Variants in NF2 observed in about 807,000 individuals in gnomAD.
NF2 encodes the protein merlin.
In NF2, 8 loss-of-function variants were observed where a neutral mutation model predicts 83.7. That is an observed-to-expected ratio of 0.10 (90% CI 0.06 to 0.17). The LOEUF (loss-of-function observed/expected upper bound fraction) is 0.17. Among genes scored for constraint, NF2 ranks in the 10% least tolerant of loss-of-function variants. NF2 has a pLI of 1.00. For synonymous variants in NF2, 266 were observed against 269.6 expected, an observed-to-expected ratio of 0.99 and a Z score of 0.13; for missense variants, 533 against 744.4, an observed-to-expected ratio of 0.72 and a Z score of 3.31.
intron 13 of NF2, among the ~76,000 whole-genome samples, chr22:29,675,823 G>A (rs1306211041): frequency 2.0e-5 from 3 of 146,718 alleles, no homozygotes; most frequent in Non-Finnish European, 4.6e-5. Context: ...GGACACACAC[G>A]CACCCATACT....
chr22:29,657,505 G>T (rs1372968206), intron 6 of NF2, among the ~76,000 whole-genome samples: 2 of 152,184 alleles, frequency 1.3e-5, no homozygotes, highest in African/African-American at 4.8e-5. Context: ...CCAACACTTG[G>T]CGTTCTCTCA....
chr22:29,623,458 G>A (rs1020179065), intron 1 of NF2, among the ~76,000 whole-genome samples: 10 of 152,176 alleles, frequency 6.6e-5, no homozygotes, highest in African/African-American at 2.2e-4. Flanking sequence ...GAAGGCAAAC[G>A]CTTTGGGCAA....
At chr22:29,672,065 C>T in intron 11 of NF2, 117 bp downstream of exon 11, 1 of 1,483,076 alleles carries the variant, frequency 6.7e-7, no homozygotes, top group Non-Finnish European at 9.3e-7. Context: ...TACTTAATTT[C>T]AGCTTTGAAA....
intron 1 of NF2, among the ~76,000 whole-genome samples, chr22:29,625,136 C>T (rs2065331316): frequency 6.6e-6 from 1 of 151,986 alleles, no homozygotes; most frequent in Non-Finnish European, 1.5e-5. Context: ...ACCATGTTGG[C>T]CAGGATGGTC....
At chr22:29,681,038 C>G (rs1375520427) in intron 14 of NF2, among the ~76,000 whole-genome samples, 1 of 150,888 alleles carries the variant, frequency 6.6e-6, no homozygotes, top group African/African-American at 2.4e-5. Flanking sequence ...TCTACTCTTT[C>G]TTTTTCTTTC....
At chr22:29,622,562 AGTT>A (rs2065240032) in intron 1 of NF2, among the ~76,000 whole-genome samples, 1 of 149,674 alleles carries the variant, frequency 6.7e-6, no homozygotes, top group South Asian at 2.1e-4. Flanking sequence ...TTGAAAAGTT[AGTT>A]AACTGTTCAG....
chr22:29,691,867 C>T (rs1212890071), intron 15 of NF2, among the ~76,000 whole-genome samples: 1 of 152,246 alleles, frequency 6.6e-6, no homozygotes, highest in Non-Finnish European at 1.5e-5. Flanking sequence ...AAGGGCTCTC[C>T]TCGTCTCACT....
In NF2 at chr22:29,624,380, G is replaced by T. The variant is rs60456178; in HGVS notation, c.115-12371G>T. Among the ~76,000 whole-genome samples, 635 of 152,194 alleles carry T rather than the reference G, an allele frequency of 4.2e-3. 10 individuals carry two copies. In the Middle Eastern group the frequency reaches 0.044, roughly 11 times the overall value. ...GCACCACCACGCCTAGCTAATTTTT[G>T]TATTTTTAGTAGAGATGGGGTTTTG... On this transcript the variant is annotated intron_variant, in intron 1 of 15. Transcript: ENST00000338641.
At chr22:29,648,537 C>T (rs2066048964) in intron 4 of NF2, among the ~76,000 whole-genome samples, 1 of 152,222 alleles carries the variant, frequency 6.6e-6, no homozygotes, top group Admixed American at 6.5e-5. Context: ...TGAGGAGACA[C>T]ACCGCTGGCT....
chr22:29,645,405 C>T (rs1366346206), intron 4 of NF2, among the ~76,000 whole-genome samples: 1 of 152,148 alleles, frequency 6.6e-6, no homozygotes, highest in Non-Finnish European at 1.5e-5. Context: ...GCATTTTGTG[C>T]CTCCAATATT....
At chr22:29,674,306 C>G (rs1056049298) in intron 12 of NF2, among the ~76,000 whole-genome samples, 2 of 152,224 alleles carry the variant, frequency 1.3e-5, no homozygotes, top group African/African-American at 4.8e-5. Flanking sequence ...CCGTGACCAC[C>G]TGAGCCCCAT....
chr22:29,660,802 C>T (rs940120275), intron 7 of NF2, among the ~76,000 whole-genome samples: 5 of 152,150 alleles, frequency 3.3e-5, no homozygotes, highest in East Asian at 1.9e-4. Flanking sequence ...CTCCTGACCT[C>T]GTGAACCGCC....
At chr22:29,633,883 C>T (rs1601573589) in intron 1 of NF2, among the ~76,000 whole-genome samples, 1 of 152,198 alleles carries the variant, frequency 6.6e-6, no homozygotes, top group East Asian at 1.9e-4. Context: ...CATTGGTTGG[C>T]ATGTAGGGTG....
intron 11 of NF2, 75 bp from the exon 12 acceptor site, chr22:29,673,194 C>CG: frequency 6.8e-7 from 1 of 1,469,070 alleles, no homozygotes; most frequent in Non-Finnish European, 9.3e-7. Context: ...TTTGTCCCAT[C>CG]TCAGTGTTCA....
chr22:29,652,718 T>C (rs1033675581), intron 4 of NF2, among the ~76,000 whole-genome samples: 10 of 152,212 alleles, frequency 6.6e-5, no homozygotes, highest in Admixed American at 3.9e-4. Context: ...GACACAAAAA[T>C]TTCCAAGGCC....
intron 1 of NF2, among the ~76,000 whole-genome samples, chr22:29,623,737 C>G (rs9608799): frequency 6.6e-6 from 1 of 151,958 alleles, no homozygotes; most frequent in Non-Finnish European, 1.5e-5. Flanking sequence ...GTTCCTGCAT[C>G]GTTTTACTTG....
chr22:29,660,719 T>G (rs1375190356), intron 7 of NF2, among the ~76,000 whole-genome samples: 2 of 150,312 alleles, frequency 1.3e-5, no homozygotes, highest in Non-Finnish European at 1.5e-5. Context: ...CGTGCCACCA[T>G]GCCCGGCTAA....
chr22:29,624,753 C>T (rs2065297493), intron 1 of NF2, among the ~76,000 whole-genome samples: 1 of 152,030 alleles, frequency 6.6e-6, no homozygotes, highest in Non-Finnish European at 1.5e-5. Flanking sequence ...TATAATTAGT[C>T]CAAATAAAAT....
At position 29,619,363 on chromosome 22, in the gene NF2, C is replaced by T. The variant is rs74864077; in HGVS notation, c.114+15251C>T. Reference sequence around the variant, plus strand: ...CCTGGCCTGTTATCTACCTTTTTACCGCTGTGCTCTCCCATGGGTTTTTTT... The same window carrying T: ...CCTGGCCTGTTATCTACCTTTTTACTGCTGTGCTCTCCCATGGGTTTTTTT... On this transcript the variant is annotated intron_variant, in intron 1 of 15. Transcript: ENST00000338641. 7.6e-3 allele frequency among the ~76,000 whole-genome samples: 1,136 copies of T among 150,014 alleles called. 14 individuals are homozygous for T. Among genetic ancestry groups the T allele is most frequent in the African/African-American group, 0.027 (1,087 of 40,772 alleles).
Sources: gnomAD v4.1 joint callset for allele counts (sites outside exome capture counted in the v4.1 genomes callset) on GRCh38, gnomAD v4.1.1 for gene constraint, MANE v1.5 for transcripts, NCBI Gene and HGNC (gene_info 2026-07-23, HGNC 2026-07-21) for gene names.